The following SCD5 variants were observed in gnomAD, a reference collection of about 807,000 sequenced individuals.
The protein encoded by SCD5 is acyl-CoA-desaturase 4.
A neutral mutation model predicts 30.4 loss-of-function variants in SCD5; 20 were observed. That is an observed-to-expected ratio of 0.66 (90% confidence interval 0.46 to 0.96). The LOEUF is 0.96. SCD5 is among the 40% of genes least tolerant of loss of function. The pLI, the probability that SCD5 is intolerant of heterozygous loss-of-function variation, is 0.00. For missense variants in SCD5, 381 were observed against 443.3 expected (o/e 0.86, Z 1.26); for synonymous variants, 173 against 176.4 (o/e 0.98, Z 0.16).
At chr4:82,785,889 G>C (rs1456724937) in intron 1 of SCD5, among the ~76,000 whole-genome samples, 2 of 152,024 alleles carry the variant, frequency 1.3e-5, no homozygotes, top group Non-Finnish European at 2.9e-5. Flanking sequence ...ATGTTTCTGG[G>C]GACACTCAAG....
chr4:82,735,485 TA>T (rs892838018), intron 1 of SCD5, among the ~76,000 whole-genome samples: 1 of 152,076 alleles, frequency 6.6e-6, no homozygotes, highest in Admixed American at 6.5e-5. Flanking sequence ...TACAGTAAAA[TA>T]AAAATTTGTA....
At chr4:82,716,076 C>T (rs901405699) in intron 1 of SCD5, among the ~76,000 whole-genome samples, 3 of 151,834 alleles carry the variant, frequency 2.0e-5, no homozygotes, top group Non-Finnish European at 2.9e-5. Context: ...AAAAACTATT[C>T]GATAGCATAA....
chr4:82,679,055 C>T lies in SCD5; in HGVS notation c.569+1652G>A, dbSNP rs147623214. The stretch of plus-strand genomic sequence containing the variant: ...TCTACTAAAAAATACAAAAATTAGC[C>T]GGGCGTGGTGGTGCATGCCTGTAGT... On this transcript the variant is annotated intron_variant, in intron 3 of 4. Transcript: ENST00000319540. 1.6e-4 allele frequency among the ~76,000 whole-genome samples: 24 copies of T among 151,160 alleles called. 1 individual carries two copies. Among genetic ancestry groups the T allele is most frequent in the Middle Eastern group, 3.4e-3 (1 of 294 alleles).
Position 82,702,130 on chromosome 4 carries a change from C to CTTTTTTTTTT in SCD5, c.363+3143_363+3152dup, listed in dbSNP as rs10701664. ...TCAGGCATTCCTGCCCCATCATCAT[C>CTTTTTTTTTT]TTTTTTTTTTTTTTTTTTTTTTTTT... On this transcript the variant is annotated intron_variant, in intron 2 of 4. Transcript: ENST00000319540. 6.4e-3 allele frequency among the ~76,000 whole-genome samples: 410 copies of CTTTTTTTTTT among 64,116 alleles called. 45 individuals carry two copies. Among genetic ancestry groups the CTTTTTTTTTT allele is most frequent in the East Asian group, 0.013 (15 of 1,146 alleles). The allele number at this position is 64,116 out of a possible 152,430, so 42.1% of individuals were successfully genotyped here. A position where few individuals can be genotyped will look rare whatever the true frequency, so the allele number is the denominator to read the frequency against.
In SCD5 at chr4:82,661,125, C is replaced by T. The variant is rs199646269; in HGVS notation, c.569+19582G>A. ...ACTGAGAGTTCCACCCAGGTTTGTTCAGCAAGGGTTTAATTTCTCTAGTGC... is the reference window on the plus strand; with the variant it reads ...ACTGAGAGTTCCACCCAGGTTTGTTTAGCAAGGGTTTAATTTCTCTAGTGC... On this transcript the variant is annotated intron_variant, in intron 3 of 4. Coordinates refer to ENST00000319540, the MANE Select transcript of SCD5 (RefSeq NM_001037582.3). 9.6e-4 allele frequency: 1,493 copies of T among 1,554,068 alleles called. 1 individual carries two copies. The highest frequency in any genetic ancestry group is 2.0e-3 in the Admixed American group (118 of 59,708).
chr4:82,744,991 G>GA (rs1277083811), intron 1 of SCD5, among the ~76,000 whole-genome samples: 1 of 152,098 alleles, frequency 6.6e-6, no homozygotes, highest in African/African-American at 2.4e-5. Context: ...AGGACAGGGA[G>GA]AAAAAACAGG....
intron 1 of SCD5, among the ~76,000 whole-genome samples, chr4:82,712,285 TATATATA>T (rs1720121443): frequency 1.1e-4 from 5 of 45,080 alleles, no homozygotes; most frequent in African/African-American, 2.2e-4. Flanking sequence ...TATATATATA[TATATATA>T]TATATTTTAT....
At chr4:82,752,943 C>T (rs896731282) in intron 1 of SCD5, among the ~76,000 whole-genome samples, 1 of 152,144 alleles carries the variant, frequency 6.6e-6, no homozygotes, top group South Asian at 2.1e-4. Flanking sequence ...ATATCTTTTA[C>T]TTAATTCCCT....
chr4:82,649,414 T>C (rs1288216046), intron 3 of SCD5, among the ~76,000 whole-genome samples: 1 of 152,290 alleles, frequency 6.6e-6, no homozygotes, highest in East Asian at 1.9e-4. Context: ...AAATGAATTT[T>C]CACTGGTAAA....
chr4:82,711,768 G>A (rs545980677), intron 1 of SCD5, among the ~76,000 whole-genome samples: 1 of 151,726 alleles, frequency 6.6e-6, no homozygotes, highest in Non-Finnish European at 1.5e-5. Context: ...GTAGAGAATC[G>A]CTAAATTCTT....
chr4:82,784,516 G>A (rs1047549469), intron 1 of SCD5, among the ~76,000 whole-genome samples: 2 of 152,106 alleles, frequency 1.3e-5, no homozygotes, highest in Non-Finnish European at 1.5e-5. Flanking sequence ...GGAGGAAATC[G>A]TATACAACAG....
intron 2 of SCD5, among the ~76,000 whole-genome samples, chr4:82,686,692 G>A (rs181027506): frequency 6.6e-6 from 1 of 152,106 alleles, no homozygotes; most frequent in Non-Finnish European, 1.5e-5. Context: ...AAGAGAAAAA[G>A]CCTTAGTGTT....
At chr4:82,641,590 T>C (rs1241289417) in intron 3 of SCD5, among the ~76,000 whole-genome samples, 4 of 151,892 alleles carry the variant, frequency 2.6e-5, no homozygotes, top group Non-Finnish European at 4.4e-5. Flanking sequence ...TACCCACAAA[T>C]AGCAAGGCCC....
At position 82,669,707 on chromosome 4, in the gene SCD5, A is replaced by T. The variant is rs72661236; in HGVS notation, c.569+11000T>A. 1.4e-4 allele frequency among the ~76,000 whole-genome samples: 22 copies of T among 152,306 alleles called. No homozygotes were observed. In the East Asian group the frequency reaches 1.9e-3, roughly 13 times the overall value. Reference sequence around the variant, plus strand: ...TTCTCAGAGTAAGTATCAGAAAAAAAAAATAAATTCCCTTGTATTTCCACC... The same window carrying T: ...TTCTCAGAGTAAGTATCAGAAAAAATAAATAAATTCCCTTGTATTTCCACC... On this transcript the variant is annotated intron_variant, in intron 3 of 4. Coordinates refer to ENST00000319540, the MANE Select transcript of SCD5 (RefSeq NM_001037582.3).
intron 1 of SCD5, among the ~76,000 whole-genome samples, chr4:82,764,419 C>T (rs1721444052): frequency 6.6e-6 from 1 of 152,138 alleles, no homozygotes; most frequent in South Asian, 2.1e-4. Flanking sequence ...TCATCCTTTT[C>T]TGCTTTCTGT....
At chr4:82,662,486 G>A (rs941130671) in intron 3 of SCD5, among the ~76,000 whole-genome samples, 2 of 151,968 alleles carry the variant, frequency 1.3e-5, no homozygotes, top group African/African-American at 2.4e-5. Flanking sequence ...TCTGATTTTA[G>A]CTAAAGGAAA....
At chr4:82,746,014 G>A (rs1340655986) in intron 1 of SCD5, among the ~76,000 whole-genome samples, 1 of 152,164 alleles carries the variant, frequency 6.6e-6, no homozygotes, top group Non-Finnish European at 1.5e-5. Context: ...AAAATTAAAT[G>A]ACTTAATATC....
chr4:82,699,789 G>T (rs1719777054), intron 2 of SCD5, among the ~76,000 whole-genome samples: 1 of 151,924 alleles, frequency 6.6e-6, no homozygotes, highest in South Asian at 2.1e-4. Context: ...AGCCTCCCAA[G>T]TAGCTGGGAC....
intron 1 of SCD5, among the ~76,000 whole-genome samples, chr4:82,743,939 C>T (rs1368376593): frequency 6.6e-6 from 1 of 152,150 alleles, no homozygotes; most frequent in African/African-American, 2.4e-5. Context: ...CATCTTTCCA[C>T]TTCAGCCTCC....
Sources: allele counts gnomAD v4.1 joint callset (sites outside exome capture counted in the v4.1 genomes callset), GRCh38; gene constraint gnomAD v4.1.1; transcripts MANE v1.5; gene names NCBI Gene and HGNC (gene_info 2026-07-23, HGNC 2026-07-21).